The following ACSS3 variants were observed in gnomAD, a reference collection of about 807,000 sequenced individuals.
The protein encoded by ACSS3 is acyl-CoA synthetase short chain family member 3.
ACSS3 carries 64 observed loss-of-function variants against 84.2 expected under a neutral mutation model. That is an observed-to-expected ratio of 0.76 (90% CI 0.62 to 0.94). The LOEUF is 0.94. Ranked by LOEUF, ACSS3 falls within the 40% of genes least tolerant of loss-of-function variation. ACSS3 has a pLI of 0.00. For synonymous variants in ACSS3, 317 were observed against 310.1 expected (o/e 1.02, Z -0.23); for missense variants, 815 against 867.6 (o/e 0.94, Z 0.76).
At chr12:81,221,823 G>A (rs529382839) in intron 11 of ACSS3, among the ~76,000 whole-genome samples, 5 of 152,096 alleles carry the variant, frequency 3.3e-5, no homozygotes, top group African/African-American at 1.2e-4. Context: ...GAATAGAATG[G>A]TTTTTGAGAG....
At chr12:81,101,852 A>T (rs1002854552) in intron 1 of ACSS3, among the ~76,000 whole-genome samples, 2 of 151,652 alleles carry the variant, frequency 1.3e-5, no homozygotes, top group African/African-American at 4.9e-5. Context: ...TTTTATACTT[A>T]CTGGTCATTT....
intron 8 of ACSS3, among the ~76,000 whole-genome samples, chr12:81,186,592 G>A (rs980765331): frequency 6.6e-6 from 1 of 151,798 alleles, no homozygotes; most frequent in African/African-American, 2.4e-5. Context: ...AAAATAGCCA[G>A]CATGCATATG....
At chr12:81,088,789 T>C (rs1881485518) in intron 1 of ACSS3, among the ~76,000 whole-genome samples, 1 of 152,050 alleles carries the variant, frequency 6.6e-6, no homozygotes, top group South Asian at 2.1e-4. Flanking sequence ...TTTTTAACTC[T>C]TCTCCTCTGA....
At chr12:81,151,267 A>T (rs1415516286) in intron 5 of ACSS3, among the ~76,000 whole-genome samples, 1 of 152,122 alleles carries the variant, frequency 6.6e-6, no homozygotes, top group Non-Finnish European at 1.5e-5. Context: ...CTTAGATTCA[A>T]CTCACTGGAA....
chr12:81,245,210 C>T (rs1322502252), intron 13 of ACSS3, among the ~76,000 whole-genome samples: 4 of 152,088 alleles, frequency 2.6e-5, no homozygotes, highest in Non-Finnish European at 4.4e-5. Context: ...GCCTGTAATC[C>T]CAGCACTATG....
At chr12:81,215,056 C>T (rs563369558) in intron 9 of ACSS3, among the ~76,000 whole-genome samples, 1 of 152,140 alleles carries the variant, frequency 6.6e-6, no homozygotes, top group Admixed American at 6.5e-5. Flanking sequence ...TCTCTCATAT[C>T]CATTTCGAAG....
At chr12:81,244,052 T>G (rs951604858) in intron 13 of ACSS3, among the ~76,000 whole-genome samples, 3 of 152,170 alleles carry the variant, frequency 2.0e-5, no homozygotes, top group Admixed American at 2.0e-4. Context: ...TTTTTTCTTT[T>G]GTCTAAAAAA....
At chr12:81,120,613 G>A (rs940407250) in intron 2 of ACSS3, among the ~76,000 whole-genome samples, 1 of 152,060 alleles carries the variant, frequency 6.6e-6, no homozygotes, top group African/African-American at 2.4e-5. Flanking sequence ...TTTCATATAA[G>A]GTTTTCTGAA....
At chr12:81,113,543 C>T (rs558256256) in intron 2 of ACSS3, among the ~76,000 whole-genome samples, 195 of 152,186 alleles carry the variant, frequency 1.3e-3, no homozygotes, top group African/African-American at 4.5e-3. Flanking sequence ...CTAAGTTCCA[C>T]GAAGGCAGTG....
chr12:81,233,902 TA>T (rs968046152), intron 13 of ACSS3, among the ~76,000 whole-genome samples: 2 of 151,634 alleles, frequency 1.3e-5, no homozygotes, highest in Non-Finnish European at 3.0e-5. Flanking sequence ...AGAGGTTTTT[TA>T]AAATGTTTTA....
At chr12:81,180,587 C>T (rs760023799) in intron 8 of ACSS3, among the ~76,000 whole-genome samples, 1 of 152,106 alleles carries the variant, frequency 6.6e-6, no homozygotes, top group Non-Finnish European at 1.5e-5. Context: ...ATGATCTTGG[C>T]TCATTGCAAC....
chr12:81,246,657 A>G (rs1009097839), intron 13 of ACSS3, among the ~76,000 whole-genome samples: 2 of 152,208 alleles, frequency 1.3e-5, no homozygotes, highest in Non-Finnish European at 2.9e-5. Flanking sequence ...ATTTTTTTCT[A>G]GAAGCAAACC....
intron 5 of ACSS3, among the ~76,000 whole-genome samples, chr12:81,150,191 G>C (rs576851117): frequency 6.6e-6 from 1 of 152,232 alleles, no homozygotes; most frequent in African/African-American, 2.4e-5. Context: ...ATAATGTTTA[G>C]AGTTACTGAT....
At chr12:81,107,515 T>TATATAC (rs1883146206) in intron 1 of ACSS3, among the ~76,000 whole-genome samples, 1 of 26,920 alleles carries the variant, frequency 3.7e-5, no homozygotes, top group Non-Finnish European at 7.9e-5. Flanking sequence ...TATATACATA[T>TATATAC]ATATATATAT....
chr12:81,087,877 G>T (rs542730717), intron 1 of ACSS3, among the ~76,000 whole-genome samples: 99 of 152,196 alleles, frequency 6.5e-4, no homozygotes, highest in African/African-American at 2.3e-3. Context: ...AGTTAGTGGA[G>T]AAAACAAACT....
chr12:81,255,113 G>C lies in ACSS3; in HGVS notation c.*191G>C, dbSNP rs2034260268. Reference sequence around the variant, plus strand: ...TGTGCCTTTTTTTTGGTTTGACCCTGTTAGCATTGTTATTAGTTATCTATA... The same window carrying C: ...TGTGCCTTTTTTTTGGTTTGACCCTCTTAGCATTGTTATTAGTTATCTATA... On this transcript the variant is annotated 3_prime_UTR_variant, in exon 16 of 16. Transcript: ENST00000548058. 1 of 499,972 alleles carries C rather than the reference G, an allele frequency of 2.0e-6. No individual in the cohort carries two copies. Among genetic ancestry groups the C allele is most frequent in the Non-Finnish European group, 3.5e-6 (1 of 288,196 alleles). 31.0% of individuals were successfully genotyped at this position (499,972 alleles called of 1,614,324 possible).
intron 5 of ACSS3, among the ~76,000 whole-genome samples, chr12:81,143,904 TG>T (rs1433891531): frequency 3.3e-5 from 5 of 152,326 alleles, no homozygotes; most frequent in African/African-American, 1.2e-4. Flanking sequence ...CACTTTTGCC[TG>T]GTATCTCCAA....
At chr12:81,244,969 C>T (rs1476545174) in intron 13 of ACSS3, among the ~76,000 whole-genome samples, 1 of 151,082 alleles carries the variant, frequency 6.6e-6, no homozygotes, top group Non-Finnish European at 1.5e-5. Flanking sequence ...TTTTAGTATG[C>T]CTTGTAATTG....
Position 81,209,945 on chromosome 12 carries a change from G to A in ACSS3, c.1355-6956G>A, listed in dbSNP as rs117113551. Among the ~76,000 whole-genome samples the A allele has an allele frequency of 4.9e-3, 747 of 152,262 alleles. 6 individuals carry two copies. Among genetic ancestry groups the A allele is most frequent in the Non-Finnish European group, 8.5e-3 (580 of 68,016 alleles). On this transcript the variant is annotated intron_variant, in intron 9 of 15. Coordinates refer to ENST00000548058, the MANE Select transcript of ACSS3 (RefSeq NM_024560.4). ...TAATTAGCATATAATGAGCAGTGAGGATGACCAGAGGTCAATTTCATGACC... is the reference window on the plus strand; with the variant it reads ...TAATTAGCATATAATGAGCAGTGAGAATGACCAGAGGTCAATTTCATGACC...
Sources: gnomAD v4.1 joint callset for allele counts (sites outside exome capture counted in the v4.1 genomes callset) on GRCh38, gnomAD v4.1.1 for gene constraint, MANE v1.5 for transcripts, NCBI Gene and HGNC (gene_info 2026-07-23, HGNC 2026-07-21) for gene names.